Variants in DLG1 observed in about 807,000 individuals in gnomAD.
The protein encoded by DLG1 is discs large MAGUK scaffold protein 1, also known as disks large homolog 1.
DLG1 carries 42 observed loss-of-function variants against 123.4 expected under a neutral mutation model. The ratio of observed to expected loss-of-function variants is 0.34; its 90% confidence interval spans 0.27 to 0.44. The LOEUF (loss-of-function observed/expected upper bound fraction) is 0.44, where lower values mean the gene tolerates loss of function less well. DLG1 is among the 20% of genes least tolerant of loss of function. The pLI, the probability that DLG1 is intolerant of heterozygous loss-of-function variation, is 1.00. For synonymous variants in DLG1, 317 were observed against 356.2 expected, an observed-to-expected ratio of 0.89 and a Z score of 1.24; for missense variants, 942 against 1,082.6, an observed-to-expected ratio of 0.87 and a Z score of 1.82.
chr3:197,172,042 C>G (rs1369944091), intron 5 of DLG1, among the ~76,000 whole-genome samples: 2 of 152,158 alleles, frequency 1.3e-5, no homozygotes, highest in Non-Finnish European at 2.9e-5. Context: ...CACACATTTT[C>G]TATTGTTTCT....
intron 16 of DLG1, among the ~76,000 whole-genome samples, chr3:197,081,418 G>A (rs1206747849): frequency 6.6e-6 from 1 of 152,162 alleles, no homozygotes; most frequent in Non-Finnish European, 1.5e-5. Context: ...GAGTTTAACA[G>A]TTTTCCAAGT....
rs904788876 is a variant in DLG1 at position 197,254,926 on chromosome 3, C to T, written c.318+27753G>A. ...AAAAAATTAGCCGGGCGTGGTGGCA[C>T]GTGCTTGTAATCCTAGCTACTCAGG... On this transcript the variant is annotated intron_variant, in intron 4 of 24. Coordinates refer to ENST00000667157, the MANE Select transcript of DLG1 (RefSeq NM_001366207.1). Among the ~76,000 whole-genome samples the T allele has an allele frequency of 8.6e-5, 13 of 151,898 alleles. No homozygotes were observed. In the South Asian group the frequency reaches 1.0e-3, roughly 12 times the overall value.
chr3:197,206,580 C>T (rs1376523059), intron 4 of DLG1, among the ~76,000 whole-genome samples: 1 of 152,184 alleles, frequency 6.6e-6, no homozygotes, highest in African/African-American at 2.4e-5. Context: ...GGATTACAGG[C>T]ATGAGCCTTG....
intron 13 of DLG1, among the ~76,000 whole-genome samples, chr3:197,105,729 A>G (rs1579291377): frequency 6.6e-6 from 1 of 152,216 alleles, no homozygotes; most frequent in Admixed American, 6.5e-5. Flanking sequence ...TGCAAGGTAC[A>G]TTATCTTAAG....
At chr3:197,171,498 A>G (rs1054782966) in intron 5 of DLG1, among the ~76,000 whole-genome samples, 3 of 152,222 alleles carry the variant, frequency 2.0e-5, no homozygotes, top group Non-Finnish European at 4.4e-5. Flanking sequence ...GGGTATTAAA[A>G]TCATTAAATT....
At chr3:197,157,265 A>G (rs1796788484) in intron 5 of DLG1, among the ~76,000 whole-genome samples, 1 of 152,240 alleles carries the variant, frequency 6.6e-6, no homozygotes, top group South Asian at 2.1e-4. Context: ...ATATGATCTT[A>G]TATGTAAAAC....
At chr3:197,211,640 C>T (rs1032595718) in intron 4 of DLG1, among the ~76,000 whole-genome samples, 3 of 146,654 alleles carry the variant, frequency 2.0e-5, no homozygotes, top group Non-Finnish European at 3.1e-5. Flanking sequence ...AAAGGGAATA[C>T]TTATACACTG....
chr3:197,045,029 C>T lies in DLG1; in HGVS notation c.2576-300G>A, dbSNP rs550180469. On this transcript the variant is annotated intron_variant, in intron 24 of 24. Coordinates refer to ENST00000667157, the MANE Select transcript of DLG1 (RefSeq NM_001366207.1). ...ATTTTAAAACAAATTATTTTCTTAA[C>T]TTTCCTGATTTCTCCATAAACATAT... Among the ~76,000 whole-genome samples the T allele has an allele frequency of 2.0e-5, 3 of 151,870 alleles. No homozygotes were observed. In the South Asian group the frequency reaches 6.2e-4, roughly 32 times the overall value.
intron 6 of DLG1, among the ~76,000 whole-genome samples, 165 bp downstream of exon 6, chr3:197,149,578 C>A (rs949842057): frequency 6.6e-6 from 1 of 151,924 alleles, no homozygotes; most frequent in Middle Eastern, 3.2e-3. Context: ...CAAAGGAGGA[C>A]CATACTACTT....
chr3:197,095,302 T>A (rs1322623264), intron 14 of DLG1, among the ~76,000 whole-genome samples: 4 of 152,136 alleles, frequency 2.6e-5, no homozygotes, highest in Non-Finnish European at 4.4e-5. Flanking sequence ...AATGCTCGGA[T>A]CCCTATGAAG....
In DLG1 at chr3:197,107,572, C is replaced by A. The variant is rs548755597; in HGVS notation, c.1444-2567G>T. On this transcript the variant is annotated intron_variant, in intron 13 of 24. Coordinates refer to ENST00000667157, the MANE Select transcript of DLG1 (RefSeq NM_001366207.1). ...GAACAAAAAACAAAAAAACCAAACC[C>A]AAAAAAAAAAGGATATACCACTTTT... is the stretch of plus-strand genomic sequence containing the variant. Among the ~76,000 whole-genome samples, 775 of 142,938 alleles carry A rather than the reference C, an allele frequency of 5.4e-3. 6 individuals carry two copies. The highest frequency in any genetic ancestry group is 0.019 in the African/African-American group (726 of 39,070). The allele number at this position is 142,938 out of a possible 152,430, so 93.8% of individuals were successfully genotyped here. A position where few individuals can be genotyped will look rare whatever the true frequency, so the allele number is the denominator to read the frequency against.
At chr3:197,228,321 T>C (rs1236633080) in intron 4 of DLG1, among the ~76,000 whole-genome samples, 2 of 152,182 alleles carry the variant, frequency 1.3e-5, no homozygotes, top group East Asian at 1.9e-4. Context: ...TAAAACTATA[T>C]AAGCAAGCAC....
At chr3:197,072,161 C>T (rs543427918) in intron 18 of DLG1, among the ~76,000 whole-genome samples, 12 of 152,094 alleles carry the variant, frequency 7.9e-5, no homozygotes, top group Non-Finnish European at 1.6e-4. Context: ...CTTCATTAGG[C>T]ACTTCCCAAC....
chr3:197,151,472 G>A (rs546317317), intron 5 of DLG1, among the ~76,000 whole-genome samples: 69 of 152,116 alleles, frequency 4.5e-4, no homozygotes, highest in Middle Eastern at 3.4e-3. Context: ...ATATATAAAC[G>A]AAATGATATA....
At chr3:197,166,866 T>C (rs1373777982) in intron 5 of DLG1, among the ~76,000 whole-genome samples, 2 of 150,226 alleles carry the variant, frequency 1.3e-5, no homozygotes, top group Non-Finnish European at 3.0e-5. Context: ...CACTCCGGCC[T>C]GGGCAATAAG....
intron 4 of DLG1, among the ~76,000 whole-genome samples, chr3:197,273,304 G>A (rs1450698829): frequency 1.3e-5 from 2 of 151,704 alleles, no homozygotes; most frequent in Non-Finnish European, 2.9e-5. Flanking sequence ...CTGGAAGACA[G>A]TGATGTGATC....
intron 24 of DLG1, 127 bp from the exon 25 acceptor site, chr3:197,044,856 C>T (rs1721811806): frequency 6.5e-6 from 3 of 461,702 alleles, no homozygotes; most frequent in Admixed American, 8.2e-5. Context: ...TCACCATTTA[C>T]ACACTGTTCA....
chr3:197,057,098 C>T (rs1385859819), intron 23 of DLG1, among the ~76,000 whole-genome samples: 1 of 151,318 alleles, frequency 6.6e-6, no homozygotes, highest in African/African-American at 2.4e-5. Context: ...TTTTTAGAGA[C>T]ACGGCCTCAC....
chr3:197,051,707 A>G (rs761305775), intron 23 of DLG1, 39 bp from the exon 24 acceptor site: 1 of 1,487,434 alleles, frequency 6.7e-7, no homozygotes, highest in Non-Finnish European at 9.3e-7. Flanking sequence ...TTACCAAATT[A>G]TAATACTTTT....
Sources: allele counts gnomAD v4.1 joint callset (sites outside exome capture counted in the v4.1 genomes callset), GRCh38; gene constraint gnomAD v4.1.1; transcripts MANE v1.5; gene names NCBI Gene and HGNC (gene_info 2026-07-23, HGNC 2026-07-21).